Variants in TENM2 observed in about 807,000 individuals in gnomAD.
TENM2 encodes the protein teneurin-2.
In TENM2, 52 loss-of-function variants were observed where a neutral mutation model predicts 245.2. The observed-to-expected ratio is 0.21, with a 90% CI of 0.17 to 0.27. The LOEUF is 0.27. TENM2 is among the 10% of genes least tolerant of loss of function. TENM2 has a pLI of 1.00. For synonymous variants in TENM2, 1,363 were observed against 1,438.9 expected (o/e 0.95, Z 1.19); for missense variants, 3,046 against 3,666.8 (o/e 0.83, Z 4.37).
At chr5:167,185,416 G>C in the TENM2 span, among the ~76,000 whole-genome samples, 15 of 152,020 alleles carry the variant, frequency 9.9e-5, no homozygotes, top group Admixed American at 2.0e-4. Flanking sequence ...TACAACCTCT[G>C]AAATAATATG....
the TENM2 span, among the ~76,000 whole-genome samples, chr5:167,045,264 T>C: frequency 6.6e-6 from 1 of 152,214 alleles, no homozygotes; most frequent in South Asian, 2.1e-4. Flanking sequence ...AATTTTATTA[T>C]CTCACTGTTC....
chr5:167,628,748 AAG>A (rs1191128846), intron 2 of TENM2, among the ~76,000 whole-genome samples: 3 of 152,240 alleles, frequency 2.0e-5, no homozygotes, highest in Non-Finnish European at 4.4e-5. Flanking sequence ...TTTCATTTGT[AAG>A]CATAAGGTAA....
In TENM2 at chr5:167,832,337, C is replaced by T. The variant is rs115906846; in HGVS notation, c.503-43649C>T. Among the ~76,000 whole-genome samples, 1,204 of 152,276 alleles carry T rather than the reference C, an allele frequency of 7.9e-3. 12 individuals carry two copies. The highest frequency in any genetic ancestry group is 0.028 in the African/African-American group (1,149 of 41,562). On this transcript the variant is annotated intron_variant, in intron 2 of 28. Transcript: ENST00000518659. ...TTTACAATAGATAGACTACAGCAAG[C>T]GTGTGTGCACACACGCATGCTCACA...
In TENM2 at chr5:168,198,742, G is replaced by A. The variant is rs548831663; in HGVS notation, c.2901-111G>A. ...CCACCTGTCTGCCTCCAAAGCCCAT[G>A]GTCTCCTCTGTGCTCTGCCCATCGC... On this transcript the variant is annotated intron_variant, in intron 15 of 28. Coordinates refer to ENST00000518659, the Ensembl canonical transcript of TENM2. 300 of 1,354,868 alleles carry A rather than the reference G, an allele frequency of 2.2e-4. 1 individual carries two copies. In the South Asian group the frequency reaches 3.9e-3, roughly 17 times the overall value. The allele number at this position is 1,354,868 out of a possible 1,614,324, so 83.9% of individuals were successfully genotyped here. A position where few individuals can be genotyped will look rare whatever the true frequency, so the allele number is the denominator to read the frequency against.
chr5:168,114,464 C>A (rs998613944), intron 9 of TENM2, among the ~76,000 whole-genome samples: 1 of 152,112 alleles, frequency 6.6e-6, no homozygotes, highest in Non-Finnish European at 1.5e-5. Context: ...CAGGAGGTTC[C>A]CCATTTCACA....
At chr5:167,727,096 A>G (rs994034939) in intron 2 of TENM2, among the ~76,000 whole-genome samples, 17 of 142,876 alleles carry the variant, frequency 1.2e-4, no homozygotes, top group African/African-American at 4.3e-4. Context: ...TAATGAATCC[A>G]TTAATTTCTT....
At chr5:167,261,866 C>T in the TENM2 span, among the ~76,000 whole-genome samples, 1 of 152,186 alleles carries the variant, frequency 6.6e-6, no homozygotes, top group South Asian at 2.1e-4. Flanking sequence ...GAGCAGAAGC[C>T]ATGTACCCTG....
At chr5:167,261,775 T>C in the TENM2 span, among the ~76,000 whole-genome samples, 97,575 of 152,130 alleles carry the variant, frequency 0.64, 33,383 homozygotes, top group Middle Eastern at 0.85. Flanking sequence ...ATGGATATAG[T>C]CTGTGCTGAA....
the TENM2 span, among the ~76,000 whole-genome samples, chr5:167,159,108 A>G: frequency 6.6e-6 from 1 of 151,520 alleles, no homozygotes; most frequent in South Asian, 2.1e-4. Context: ...AAGCATGGCT[A>G]ATTTTTGTAT....
rs140148242 is a variant in TENM2, at chr5:167,733,601, T to C, written c.503-142385T>C. Among the ~76,000 whole-genome samples, 8 of 152,354 alleles carry C rather than the reference T, an allele frequency of 5.3e-5. No homozygotes were observed. In the East Asian group the frequency reaches 1.5e-3, roughly 29 times the overall value. On this transcript the variant is annotated intron_variant, in intron 2 of 28. Transcript: ENST00000518659. ...AGGGTAAGACTTGCGCCAGAGTACC[T>C]ATCCCCAACTTCTGAAGTTAGTTTT...
chr5:167,152,160 T>A, the TENM2 span, among the ~76,000 whole-genome samples: 3 of 152,248 alleles, frequency 2.0e-5, no homozygotes, highest in Non-Finnish European at 4.4e-5. Flanking sequence ...CGTATGTATT[T>A]ATGAACCACA....
chr5:168,021,745 A>G (rs17069633), intron 5 of TENM2, among the ~76,000 whole-genome samples: 31,352 of 151,908 alleles, frequency 0.21, 3,399 homozygotes, highest in Admixed American at 0.31. Context: ...AAGATTTTTT[A>G]AGAAACAGAC....
At chr5:168,239,488 C>T (rs1320232254) in intron 25 of TENM2, among the ~76,000 whole-genome samples, 2 of 152,098 alleles carry the variant, frequency 1.3e-5, no homozygotes, top group Non-Finnish European at 2.9e-5. Context: ...TGGTCAGAGG[C>T]CTCTCAGCTC....
Position 167,526,384 on chromosome 5 carries a change from A to ACACG in TENM2, c.502+150914_502+150915insGCAC. Among the ~76,000 whole-genome samples the ACACG allele has an allele frequency of 3.3e-5, 5 of 151,734 alleles. No individual in the cohort carries two copies. The South Asian group carries it at 1.0e-3, about 32-fold the overall frequency. On this transcript the variant is annotated intron_variant, in intron 2 of 28. Transcript: ENST00000518659. Reference sequence around the variant, plus strand: ...AGCACACACACACACACACACACACACACACACACAGAAAAGAAGAATGAA... The same window carrying ACACG: ...AGCACACACACACACACACACACACACACGCACACACACAGAAAAGAAGAATGAA...
chr5:167,440,566 A>G (rs1764822493), intron 2 of TENM2, among the ~76,000 whole-genome samples: 1 of 152,236 alleles, frequency 6.6e-6, no homozygotes, highest in Non-Finnish European at 1.5e-5. Flanking sequence ...ATGAAAACAA[A>G]GAAGAAACTA....
intron 10 of TENM2, among the ~76,000 whole-genome samples, chr5:168,121,187 G>A (rs1795445120): frequency 6.6e-6 from 1 of 152,144 alleles, no homozygotes; most frequent in Admixed American, 6.5e-5. Flanking sequence ...CCTACAGAGG[G>A]CCCAAGACTA....
the TENM2 span, among the ~76,000 whole-genome samples, chr5:167,050,720 C>T: frequency 6.6e-6 from 1 of 152,260 alleles, no homozygotes; most frequent in South Asian, 2.1e-4. Context: ...CTCCGTCTGT[C>T]TGCATAGTTC....
At position 167,875,005 on chromosome 5, in the gene TENM2, A is replaced by G. The variant is rs550788797; in HGVS notation, c.503-981A>G. ...TCCATCACTCTTCCACTTCTACCTCAAACTAATGAGTCTAGTTTTAGAGTA... is the reference window on the plus strand; with the variant it reads ...TCCATCACTCTTCCACTTCTACCTCGAACTAATGAGTCTAGTTTTAGAGTA... On this transcript the variant is annotated intron_variant, in intron 2 of 28. Coordinates refer to ENST00000518659, the Ensembl canonical transcript of TENM2. Among the ~76,000 whole-genome samples, 4 of 152,328 alleles carry G rather than the reference A, an allele frequency of 2.6e-5. No individual in the cohort carries two copies. In the South Asian group the frequency reaches 8.3e-4, roughly 32 times the overall value.
intron 1 of TENM2, among the ~76,000 whole-genome samples, chr5:167,346,897 C>T (rs977407837): frequency 1.4e-4 from 21 of 152,064 alleles, no homozygotes; most frequent in Admixed American, 1.2e-3. Flanking sequence ...CTTCAAGCCC[C>T]AAGAGTAGCT....
Sources: gnomAD v4.1 joint callset for allele counts (sites outside exome capture counted in the v4.1 genomes callset) on GRCh38, gnomAD v4.1.1 for gene constraint, MANE v1.5 for transcripts, NCBI Gene and HGNC (gene_info 2026-07-23, HGNC 2026-07-21) for gene names.